Variants in PRKAG2 observed in about 807,000 individuals in gnomAD.
PRKAG2 encodes the protein 5'-AMP-activated protein kinase subunit gamma-2.
PRKAG2 carries 26 observed loss-of-function variants against 69.6 expected under a neutral mutation model. The ratio of observed to expected loss-of-function variants is 0.37; its 90% CI spans 0.27 to 0.52. The LOEUF is 0.52. Among genes scored for constraint, PRKAG2 ranks in the 20% least tolerant of loss-of-function variants. The pLI, the probability that PRKAG2 is intolerant of heterozygous loss-of-function variation, is 0.90. For missense variants in PRKAG2, 557 were observed against 740.0 expected (o/e 0.75, Z 2.87); for synonymous variants, 293 against 285.0 (o/e 1.03, Z -0.28).
At chr7:151,629,440 C>T (rs190653282) in intron 5 of PRKAG2, among the ~76,000 whole-genome samples, 56 of 152,248 alleles carry the variant, frequency 3.7e-4, no homozygotes, top group Admixed American at 1.0e-3. Flanking sequence ...GTCGGATATA[C>T]GGACAGAGGA....
chr7:151,598,413 A>G (rs1585131730), intron 5 of PRKAG2, among the ~76,000 whole-genome samples: 1 of 152,192 alleles, frequency 6.6e-6, no homozygotes, highest in East Asian at 1.9e-4. Context: ...AACGTATTGT[A>G]TAGTTCAAAA....
intron 6 of PRKAG2, among the ~76,000 whole-genome samples, chr7:151,591,893 T>C (rs1248476266): frequency 1.3e-5 from 2 of 152,152 alleles, no homozygotes; most frequent in African/African-American, 2.4e-5. Flanking sequence ...AAACAGTTCC[T>C]GGCCGACTGC....
chr7:151,766,725 G>A (rs757734508), intron 3 of PRKAG2, among the ~76,000 whole-genome samples: 8 of 152,188 alleles, frequency 5.3e-5, no homozygotes, highest in South Asian at 4.1e-4. Context: ...TCATTTATCC[G>A]TCAAGGCCCG....
chr7:151,732,979 C>T (rs1799203275), intron 3 of PRKAG2, among the ~76,000 whole-genome samples: 1 of 152,154 alleles, frequency 6.6e-6, no homozygotes, highest in African/African-American at 2.4e-5. Flanking sequence ...AGGTGTGAGC[C>T]ACCGTGCCAG....
rs1824980198 is a variant in PRKAG2, at chr7:151,632,699, G to A, written c.685-561C>T. On this transcript the variant is annotated intron_variant, in intron 4 of 15. Coordinates refer to ENST00000287878, the MANE Select transcript of PRKAG2 (RefSeq NM_016203.4). The surrounding 1 kb of genome is among the most constrained non-coding windows in gnomAD (Gnocchi z 4.2). ...GGCGCCAGCTAGGGGATCCTTTCTC[G>A]CTTTCCTCTTCCCTTTCCAAATTTT... The A allele has an allele frequency of 2.7e-6, 2 of 729,648 alleles. No individual in the cohort carries two copies. The highest frequency in any genetic ancestry group is 3.4e-6 in the Non-Finnish European group (2 of 595,936). The allele number at this position is 729,648 out of a possible 1,614,324, so 45.2% of individuals were successfully genotyped here.
intron 6 of PRKAG2, among the ~76,000 whole-genome samples, chr7:151,577,221 A>T (rs1460235644): frequency 6.6e-6 from 1 of 152,232 alleles, no homozygotes; most frequent in African/African-American, 2.4e-5. Context: ...AAAAGGTATG[A>T]AAGATACAAT....
chr7:151,566,017 T>C, intron 11 of PRKAG2, 132 bp from the exon 12 acceptor site: 3 of 955,980 alleles, frequency 3.1e-6, no homozygotes, highest in South Asian at 2.8e-5. Context: ...CCTGGATGCC[T>C]GAATTAACAT....
chr7:151,560,183 CTA>C (rs1410747301), intron 15 of PRKAG2: 5 of 985,268 alleles, frequency 5.1e-6, no homozygotes, highest in African/African-American at 3.5e-5. Context: ...GACGTTCCCT[CTA>C]TGTTTCTGGT....
At chr7:151,801,964 TC>T (rs1032563056) in intron 1 of PRKAG2, among the ~76,000 whole-genome samples, 28 of 152,252 alleles carry the variant, frequency 1.8e-4, no homozygotes, top group Middle Eastern at 3.4e-3. Context: ...CACTGAGGTG[TC>T]CCTGACTCGT....
chr7:151,689,993 G>A (rs1464918469), intron 3 of PRKAG2, among the ~76,000 whole-genome samples: 1 of 152,218 alleles, frequency 6.6e-6, no homozygotes, highest in Non-Finnish European at 1.5e-5. Context: ...AAGAGAAGAG[G>A]AAGGAAAGCT....
intron 1 of PRKAG2, among the ~76,000 whole-genome samples, chr7:151,875,658 A>G (rs2080376255): frequency 6.7e-6 from 1 of 149,942 alleles, no homozygotes; most frequent in Non-Finnish European, 1.5e-5. Context: ...GGTGTGACCC[A>G]GTGGGCCACA....
intron 1 of PRKAG2, among the ~76,000 whole-genome samples, chr7:151,869,720 A>C (rs2080168073): frequency 6.6e-6 from 1 of 152,230 alleles, no homozygotes; most frequent in South Asian, 2.1e-4. Context: ...CATTGGGCCA[A>C]TGTGCCGTGC....
chr7:151,807,528 G>A lies in PRKAG2; in HGVS notation c.115-20987C>T, dbSNP rs1167311236. On this transcript the variant is annotated intron_variant, in intron 1 of 15. Coordinates refer to ENST00000287878, the MANE Select transcript of PRKAG2 (RefSeq NM_016203.4). This position sits in a 1 kb window ranked among gnomAD's most constrained non-coding sequence, Gnocchi z 4.4. ...ACTGCCCCTTCTTCCCAACCTACGA[G>A]CTGAAATGGCCAGCACTGCGCCTTC... is the stretch of plus-strand genomic sequence containing the variant. 1 of 457,868 alleles carries A rather than the reference G, an allele frequency of 2.2e-6. No homozygotes were observed. The allele number at this position is 457,868 out of a possible 1,614,324, so 28.4% of individuals were successfully genotyped here.
At chr7:151,773,040 A>AGG (rs2076129276) in intron 3 of PRKAG2, among the ~76,000 whole-genome samples, 1 of 34,714 alleles carries the variant, frequency 2.9e-5, no homozygotes, top group Non-Finnish European at 5.9e-5. Context: ...AGAGAGAGAG[A>AGG]GAGAGAGAGA....
At chr7:151,763,168 G>A (rs531929782) in intron 3 of PRKAG2, among the ~76,000 whole-genome samples, 74 of 152,358 alleles carry the variant, frequency 4.9e-4, no homozygotes, top group African/African-American at 1.6e-3. Context: ...GGGCTCGGAA[G>A]TGCCACAGTA....
At chr7:151,707,851 C>G (rs1348387381) in intron 3 of PRKAG2, among the ~76,000 whole-genome samples, 1 of 152,242 alleles carries the variant, frequency 6.6e-6, no homozygotes, top group African/African-American at 2.4e-5. Context: ...CCGGGGCCAC[C>G]GGGGCCAAAG....
chr7:151,865,277 G>A (rs1480956804), intron 1 of PRKAG2, among the ~76,000 whole-genome samples: 1 of 152,238 alleles, frequency 6.6e-6, no homozygotes, highest in Non-Finnish European at 1.5e-5. Context: ...GCATGGAGCC[G>A]ACTGGGCGAT....
At chr7:151,853,576 G>C (rs2079631392) in intron 1 of PRKAG2, among the ~76,000 whole-genome samples, 1 of 152,064 alleles carries the variant, frequency 6.6e-6, no homozygotes, top group Admixed American at 6.5e-5. Context: ...GGCTAACACA[G>C]TGAAATGCCA....
intron 3 of PRKAG2, among the ~76,000 whole-genome samples, chr7:151,754,824 C>T (rs182137559): frequency 6.6e-6 from 1 of 152,184 alleles, no homozygotes; most frequent in East Asian, 1.9e-4. Flanking sequence ...GCCCTACCTT[C>T]GCGGTCCCCT....
Sources: allele counts gnomAD v4.1 joint callset (sites outside exome capture counted in the v4.1 genomes callset), GRCh38; gene constraint gnomAD v4.1.1; non-coding constraint Gnocchi (gnomAD v3.1); transcripts MANE v1.5; gene names NCBI Gene and HGNC (gene_info 2026-07-23, HGNC 2026-07-21).